LARGE1: variants seen among roughly 807,000 people sequenced by gnomAD.
The protein encoded by LARGE1 is LARGE xylosyl- and glucuronyltransferase 1.
LARGE1 carries 43 observed loss-of-function variants against 87.6 expected under a neutral mutation model. That is an observed-to-expected ratio of 0.49 (90% CI 0.38 to 0.63). The LOEUF is 0.63. LARGE1 is among the 30% of genes least tolerant of loss of function. LARGE1 has a pLI of 0.00. For missense variants in LARGE1, 802 were observed against 1,000.2 expected (o/e 0.80, Z 2.67); for synonymous variants, 434 against 394.6 (o/e 1.10, Z -1.18).
chr22:33,612,196 C>T (rs188566658), intron 4 of LARGE1, among the ~76,000 whole-genome samples: 8 of 152,214 alleles, frequency 5.3e-5, no homozygotes, highest in East Asian at 1.9e-4. Context: ...CTCCACCTCC[C>T]GGGTTCAAGC....
chr22:33,596,569 C>G (rs764285370), intron 5 of LARGE1, among the ~76,000 whole-genome samples: 3 of 152,040 alleles, frequency 2.0e-5, no homozygotes, highest in Non-Finnish European at 4.4e-5. Flanking sequence ...TAACACAGGA[C>G]CACAAAGGAA....
chr22:33,097,986 T>A, the LARGE1 span, among the ~76,000 whole-genome samples: 11 of 152,310 alleles, frequency 7.2e-5, no homozygotes, highest in Non-Finnish European at 1.2e-4. Flanking sequence ...AAAACTTTTA[T>A]TGAAATGAGG....
chr22:33,462,238 C>G (rs913966241), intron 6 of LARGE1, among the ~76,000 whole-genome samples: 1 of 152,108 alleles, frequency 6.6e-6, no homozygotes, highest in Admixed American at 6.5e-5. Context: ...AGTGGAATAC[C>G]TTCAGTGTGC....
intron 1 of LARGE1, among the ~76,000 whole-genome samples, chr22:33,763,249 T>C (rs2084793234): frequency 6.6e-6 from 1 of 152,202 alleles, no homozygotes; most frequent in African/African-American, 2.4e-5. Context: ...GGAGTTTATG[T>C]TCAGTGAGTT....
intron 9 of LARGE1, among the ~76,000 whole-genome samples, chr22:33,357,582 G>A (rs1368911232): frequency 6.6e-6 from 1 of 152,028 alleles, no homozygotes; most frequent in Non-Finnish European, 1.5e-5. Flanking sequence ...ATCACCTGAG[G>A]TCGGGAGTTT....
At chr22:33,563,407 C>T (rs2077920892) in intron 6 of LARGE1, 1 of 152,274 alleles carries the variant, frequency 6.6e-6, no homozygotes, top group Admixed American at 6.5e-5. Flanking sequence ...CTGCTTCACA[C>T]CCAGTAGGGA....
intron 6 of LARGE1, among the ~76,000 whole-genome samples, chr22:33,462,459 A>C (rs186255957): frequency 2.2e-4 from 34 of 152,322 alleles, no homozygotes; most frequent in Admixed American, 7.2e-4. Flanking sequence ...AGAAAAAAAA[A>C]CAGCAACTTT....
intron 6 of LARGE1, among the ~76,000 whole-genome samples, chr22:33,541,506 G>C (rs1288669614): frequency 6.6e-6 from 1 of 152,114 alleles, no homozygotes; most frequent in African/African-American, 2.4e-5. Flanking sequence ...CTTTACCTTT[G>C]TGCTGATACG....
At chr22:33,391,050 C>T (rs2065501644) in intron 7 of LARGE1, among the ~76,000 whole-genome samples, 1 of 152,092 alleles carries the variant, frequency 6.6e-6, no homozygotes, top group Non-Finnish European at 1.5e-5. Flanking sequence ...CCAGGCTGCT[C>T]TCGAACTCCT....
At chr22:33,335,346 G>C (rs1318906938) in intron 10 of LARGE1, among the ~76,000 whole-genome samples, 2 of 152,142 alleles carry the variant, frequency 1.3e-5, no homozygotes, top group Non-Finnish European at 1.5e-5. Context: ...GGCAGATGCT[G>C]AGAAGGCCTC....
At chr22:33,277,318 C>T (rs1929517832) in intron 13 of LARGE1, 63 bp from the exon 14 acceptor site, 9 of 1,485,252 alleles carry the variant, frequency 6.1e-6, no homozygotes, top group Admixed American at 1.8e-5. Context: ...CAAATGCAGC[C>T]GATGTGGAGG....
intron 6 of LARGE1, among the ~76,000 whole-genome samples, chr22:33,556,232 G>A (rs1286270435): frequency 6.6e-6 from 1 of 151,928 alleles, no homozygotes; most frequent in Non-Finnish European, 1.5e-5. Context: ...GTTAAGTGTC[G>A]GCTCTGAGAC....
chr22:33,641,371 A>C (rs756411852), intron 3 of LARGE1, among the ~76,000 whole-genome samples: 13 of 152,058 alleles, frequency 8.5e-5, no homozygotes, highest in Non-Finnish European at 1.5e-4. Context: ...ATGCCCACAA[A>C]AAAGGCCATC....
rs2065095511 is a variant in LARGE1, at chr22:33,894,947, G to GT, written c.-83+25047dup. On this transcript the variant is annotated intron_variant, in intron 1 of 14. Coordinates refer to ENST00000397394, the MANE Select transcript of LARGE1 (RefSeq NM_133642.5). ...ATACCAAAGTGGAATGCCTGGGACA[G>GT]TTTAATGGTTTAATGGGATAACAAA... 1.3e-5 allele frequency among the ~76,000 whole-genome samples: 2 copies of GT among 152,170 alleles called. 1 individual carries two copies. Among genetic ancestry groups the GT allele is most frequent in the Admixed American group, 1.3e-4 (2 of 15,286 alleles).
At chr22:33,423,633 T>A (rs965403183) in intron 7 of LARGE1, among the ~76,000 whole-genome samples, 1 of 148,614 alleles carries the variant, frequency 6.7e-6, no homozygotes, top group Non-Finnish European at 1.5e-5. Flanking sequence ...TGAGCAGAGA[T>A]TGCACCACTG....
At chr22:33,732,599 C>CT (rs1395035632) in intron 2 of LARGE1, 49 of 152,366 alleles carry the variant, frequency 3.2e-4, no homozygotes, top group African/African-American at 9.6e-4. Context: ...ATGCACAGTG[C>CT]TGAGCATAGT....
At chr22:33,371,492 G>A (rs1010259175) in intron 9 of LARGE1, among the ~76,000 whole-genome samples, 1 of 152,098 alleles carries the variant, frequency 6.6e-6, no homozygotes, top group East Asian at 1.9e-4. Context: ...AAAAACAGTT[G>A]TAGCTTCTGA....
chr22:33,735,640 C>T (rs752457151), intron 2 of LARGE1, among the ~76,000 whole-genome samples: 4 of 152,134 alleles, frequency 2.6e-5, no homozygotes, highest in East Asian at 3.8e-4. Context: ...TTAAATAATA[C>T]GTTTATTGAG....
At chr22:33,619,741 T>C (rs987054432) in intron 4 of LARGE1, among the ~76,000 whole-genome samples, 6 of 152,048 alleles carry the variant, frequency 3.9e-5, no homozygotes, top group African/African-American at 1.4e-4. Context: ...CTGAGTAAAA[T>C]GGACATCATA....
Sources: allele counts gnomAD v4.1 joint callset (sites outside exome capture counted in the v4.1 genomes callset), GRCh38; gene constraint gnomAD v4.1.1; transcripts MANE v1.5; gene names NCBI Gene and HGNC (gene_info 2026-07-23, HGNC 2026-07-21).